Variants in DLG2 observed in about 807,000 individuals in gnomAD.
The protein encoded by DLG2 is disks large homolog 2.
In DLG2, 45 loss-of-function variants were observed where a neutral mutation model predicts 132.5. The observed-to-expected ratio is 0.34, with a 90% CI of 0.27 to 0.44. DLG2 has a LOEUF of 0.44. Ranked by LOEUF, DLG2 falls within the 20% of genes least tolerant of loss-of-function variation. DLG2 has a pLI of 1.00. For synonymous variants in DLG2, 424 were observed against 419.6 expected (o/e 1.01, Z -0.13); for missense variants, 1,045 against 1,196.9 (o/e 0.87, Z 1.87).
intron 11 of DLG2, among the ~76,000 whole-genome samples, chr11:84,042,249 G>A (rs780027642): frequency 6.6e-6 from 1 of 151,654 alleles, no homozygotes; most frequent in African/African-American, 2.4e-5. Flanking sequence ...ATTCCTTTAT[G>A]TGTCTTGTCT....
intron 11 of DLG2, among the ~76,000 whole-genome samples, chr11:84,036,874 T>C (rs1046141888): frequency 3.3e-5 from 5 of 152,104 alleles, no homozygotes; most frequent in Non-Finnish European, 5.9e-5. Flanking sequence ...TCCAATTTCA[T>C]CAGCTAGGTC....
At position 83,919,846 on chromosome 11, in the gene DLG2, G is replaced by A. The variant is rs146665255; in HGVS notation, c.1496+10482C>T. Among the ~76,000 whole-genome samples, 52 of 152,270 alleles carry A rather than the reference G, an allele frequency of 3.4e-4. 2 individuals carry two copies. In the Middle Eastern group the frequency reaches 0.048, roughly 139 times the overall value. On this transcript the variant is annotated intron_variant, in intron 15 of 27. Coordinates refer to ENST00000376104, the MANE Select transcript of DLG2 (RefSeq NM_001142699.3). ...GGAATAATATCTTTACAATTATGCC[G>A]GAGGCATAGGAAAGAAAACAGAGCA... is the stretch of plus-strand genomic sequence containing the variant.
intron 4 of DLG2, among the ~76,000 whole-genome samples, chr11:85,247,607 A>G (rs2076201916): frequency 6.6e-6 from 1 of 152,122 alleles, no homozygotes; most frequent in East Asian, 1.9e-4. Flanking sequence ...TCTACAGGCA[A>G]CAGAGGAGCT....
intron 3 of DLG2, among the ~76,000 whole-genome samples, chr11:85,341,775 A>C (rs1213943479): frequency 1.3e-5 from 2 of 152,224 alleles, no homozygotes; most frequent in African/African-American, 4.8e-5. Context: ...GAGTGTACTT[A>C]CACAAGCCTA....
intron 3 of DLG2, among the ~76,000 whole-genome samples, chr11:85,356,369 T>G (rs1460197819): frequency 6.7e-6 from 1 of 149,898 alleles, no homozygotes; most frequent in Non-Finnish European, 1.5e-5. Flanking sequence ...AATTTGTCCT[T>G]TTTTTTTTAC....
At chr11:84,254,449 G>A (rs374700969) in intron 7 of DLG2, among the ~76,000 whole-genome samples, 1 of 152,068 alleles carries the variant, frequency 6.6e-6, no homozygotes, top group African/African-American at 2.4e-5. Flanking sequence ...GTATACAGAA[G>A]GAGCTCAAAG....
chr11:83,724,521 G>GAGAGAGAGAGAGAGAA, intron 18 of DLG2, among the ~76,000 whole-genome samples: 1 of 143,284 alleles, frequency 7.0e-6, no homozygotes, highest in East Asian at 2.0e-4. Context: ...GAGAGAGAGA[G>GAGAGAGAGAGAGAGAA]AATATCAAGA....
intron 15 of DLG2, among the ~76,000 whole-genome samples, chr11:83,875,375 A>T (rs1229670425): frequency 2.6e-5 from 4 of 152,186 alleles, no homozygotes; most frequent in Admixed American, 6.6e-5. Flanking sequence ...GGTATGTCCC[A>T]TTCAACAGAT....
chr11:84,607,146 G>A (rs1162570937), intron 6 of DLG2, among the ~76,000 whole-genome samples: 1 of 152,024 alleles, frequency 6.6e-6, no homozygotes, highest in Non-Finnish European at 1.5e-5. Context: ...TTTTCAATGA[G>A]ATAGTGAGTC....
chr11:83,613,305 T>C (rs1017962928), intron 19 of DLG2, among the ~76,000 whole-genome samples: 7 of 152,226 alleles, frequency 4.6e-5, no homozygotes, highest in Admixed American at 4.6e-4. Flanking sequence ...GTCATTGCTA[T>C]ATACACATGT....
intron 6 of DLG2, chr11:84,923,593 G>C (rs566324025): frequency 1.0e-6 from 1 of 991,680 alleles, no homozygotes; most frequent in South Asian, 4.5e-5. Flanking sequence ...TGTAAATGAA[G>C]AGGAAACCCT....
At chr11:84,203,041 G>A (rs914432440) in intron 8 of DLG2, among the ~76,000 whole-genome samples, 1 of 152,120 alleles carries the variant, frequency 6.6e-6, no homozygotes, top group Non-Finnish European at 1.5e-5. Flanking sequence ...CAACTGTTGT[G>A]GAAGACACTG....
intron 6 of DLG2, among the ~76,000 whole-genome samples, chr11:84,724,837 T>C (rs113268276): frequency 1.2e-4 from 18 of 152,174 alleles, no homozygotes; most frequent in African/African-American, 4.3e-4. Context: ...TAGCCCATGT[T>C]GTCCATTGGC....
intron 7 of DLG2, among the ~76,000 whole-genome samples, chr11:84,345,217 A>T (rs1418728826): frequency 6.6e-6 from 1 of 152,200 alleles, no homozygotes; most frequent in Non-Finnish European, 1.5e-5. Flanking sequence ...GCAGGAACAA[A>T]TTTTATGCTG....
At chr11:85,092,327 T>C (rs1490059123) in intron 6 of DLG2, among the ~76,000 whole-genome samples, 1 of 152,162 alleles carries the variant, frequency 6.6e-6, no homozygotes, top group Admixed American at 6.5e-5. Flanking sequence ...CTGAATGTTA[T>C]AATCCCAAAA....
intron 3 of DLG2, among the ~76,000 whole-genome samples, chr11:85,588,629 G>A (rs566758173): frequency 1.1e-3 from 166 of 151,752 alleles, no homozygotes; most frequent in Non-Finnish European, 2.2e-3. Context: ...CCTTTCTCTG[G>A]TATCTCCTTG....
At chr11:84,271,724 T>C (rs1363974239) in intron 7 of DLG2, among the ~76,000 whole-genome samples, 1 of 152,060 alleles carries the variant, frequency 6.6e-6, no homozygotes, top group Non-Finnish European at 1.5e-5. Flanking sequence ...AACAAATAAA[T>C]GTTAGTTCCT....
intron 6 of DLG2, among the ~76,000 whole-genome samples, chr11:85,078,849 G>C (rs2066883099): frequency 6.6e-6 from 1 of 152,032 alleles, no homozygotes; most frequent in African/African-American, 2.4e-5. Flanking sequence ...GTAGAAACAA[G>C]ATCCTAAATA....
intron 7 of DLG2, among the ~76,000 whole-genome samples, chr11:84,409,298 G>A (rs546520304): frequency 5.9e-5 from 9 of 152,152 alleles, no homozygotes; most frequent in African/African-American, 2.2e-4. Context: ...TTATACCAGA[G>A]GTTCTCTCTC....
Sources: allele counts gnomAD v4.1 joint callset (sites outside exome capture counted in the v4.1 genomes callset), GRCh38; gene constraint gnomAD v4.1.1; transcripts MANE v1.5; gene names NCBI Gene and HGNC (gene_info 2026-07-23, HGNC 2026-07-21).